Variants in TMEM164 observed in about 807,000 individuals in gnomAD.
TMEM164 encodes the protein transmembrane protein 164.
In TMEM164, 4 loss-of-function variants were observed where a neutral mutation model predicts 18.8. That is an observed-to-expected ratio of 0.21 (90% CI 0.10 to 0.49). The LOEUF (loss-of-function observed/expected upper bound fraction) is 0.49, where lower values mean the gene tolerates loss of function less well. Among genes scored for constraint, TMEM164 ranks in the 20% least tolerant of loss-of-function variants. The pLI is 0.98. For missense variants in TMEM164, 108 were observed against 239.9 expected (o/e 0.45, Z 3.63); for synonymous variants, 86 against 101.7 (o/e 0.85, Z 0.93).
intron 2 of TMEM164, among the ~76,000 whole-genome samples, chrX:110,016,164 C>T (rs992909945): frequency 1.8e-5 from 2 of 112,788 alleles, no homozygotes; most frequent in African/African-American, 6.5e-5. Context: ...ATCATCTTCC[C>T]AAATGTCTTA....
Position 110,173,940 on chromosome X carries a change from C to T in TMEM164, c.*489C>T. 8.4e-6 allele frequency: 1 copy of T among 119,098 alleles called. No individual in the cohort carries two copies. Among genetic ancestry groups the T allele is most frequent in the Admixed American group, 8.7e-5 (1 of 11,539 alleles). The allele number at this position is 119,098 out of a possible 1,213,427, so 9.8% of individuals were successfully genotyped here. A position where few individuals can be genotyped will look rare whatever the true frequency, so the allele number is the denominator to read the frequency against. ...GGGGACTGAGGCCTTGTTTCTATAC[C>T]AGCGGCAAGCCCAGAGCCGAGGGAT... On this transcript the variant is annotated 3_prime_UTR_variant, in exon 7 of 7. Transcript: ENST00000372068.
chrX:110,105,864 C>A (rs768976973), intron 3 of TMEM164, among the ~76,000 whole-genome samples: 2 of 109,456 alleles, frequency 1.8e-5, no homozygotes, highest in Non-Finnish European at 3.8e-5. Context: ...TGAAACTTGG[C>A]GACATCTGAG....
intron 5 of TMEM164, among the ~76,000 whole-genome samples, chrX:110,169,204 T>C (rs1426097923): frequency 8.9e-6 from 1 of 111,880 alleles, no homozygotes; most frequent in Non-Finnish European, 1.9e-5. Context: ...TGTCTAAACT[T>C]GGCCTCATCA....
intron 2 of TMEM164, among the ~76,000 whole-genome samples, chrX:110,056,750 A>G (rs1021301306): frequency 1.8e-5 from 2 of 111,815 alleles, no homozygotes; most frequent in African/African-American, 3.2e-5. Context: ...ATGAAGTGTC[A>G]TCTCATTGTG....
At chrX:110,095,308 A>G (rs1412025269) in intron 3 of TMEM164, among the ~76,000 whole-genome samples, 4 of 112,071 alleles carry the variant, frequency 3.6e-5, no homozygotes, top group African/African-American at 1.3e-4. Flanking sequence ...CATCACTTTC[A>G]GGTACACCAA....
intron 4 of TMEM164, among the ~76,000 whole-genome samples, chrX:110,118,612 C>T (rs982347836): frequency 5.4e-5 from 6 of 111,257 alleles, no homozygotes; most frequent in African/African-American, 9.8e-5. Flanking sequence ...AGTGGATTAT[C>T]GCTGGACACC....
chrX:110,065,166 G>A (rs1449644265), intron 2 of TMEM164: 1 of 111,240 alleles, frequency 9.0e-6, no homozygotes, highest in Non-Finnish European at 1.9e-5. Flanking sequence ...TAGTTTTCTG[G>A]GCTTCTAGCC....
chrX:110,033,479 T>G (rs971372780), intron 2 of TMEM164, among the ~76,000 whole-genome samples: 3 of 112,090 alleles, frequency 2.7e-5, no homozygotes, highest in Admixed American at 9.5e-5. Context: ...CCTGAGAGAA[T>G]GAGTAAACAG....
intron 4 of TMEM164, among the ~76,000 whole-genome samples, chrX:110,133,213 C>T (rs747264050): frequency 6.6e-4 from 74 of 111,374 alleles, no homozygotes; most frequent in African/African-American, 2.2e-3. Flanking sequence ...TGTAATGGCA[C>T]GATCTTAGCT....
chrX:110,018,973 C>T (rs1243254713), intron 2 of TMEM164, among the ~76,000 whole-genome samples: 1 of 112,009 alleles, frequency 8.9e-6, no homozygotes, highest in Non-Finnish European at 1.9e-5. Flanking sequence ...CCCTAGGCCA[C>T]CTGTTTCTAG....
At chrX:110,050,555 A>G (rs761193468) in intron 2 of TMEM164, among the ~76,000 whole-genome samples, 1 of 111,600 alleles carries the variant, frequency 9.0e-6, no homozygotes, top group Non-Finnish European at 1.9e-5. Context: ...GTGGCTTTCA[A>G]TTTGCAGCGT....
chrX:110,104,796 A>AT (rs1434749563), intron 3 of TMEM164, among the ~76,000 whole-genome samples: 1 of 111,759 alleles, frequency 8.9e-6, no homozygotes, highest in East Asian at 2.8e-4. Flanking sequence ...ACAGTAAGCT[A>AT]TTGGTAGTTA....
downstream of TMEM164, among the ~76,000 whole-genome samples, chrX:110,178,683 T>A (rs2067311662): frequency 8.9e-6 from 1 of 112,308 alleles, no homozygotes; most frequent in Non-Finnish European, 1.9e-5. Context: ...TCACTTATCT[T>A]GCTGCCTCAG....
At chrX:110,050,318 C>A (rs1243174861) in intron 2 of TMEM164, among the ~76,000 whole-genome samples, 1 of 111,800 alleles carries the variant, frequency 8.9e-6, no homozygotes, top group Non-Finnish European at 1.9e-5. Flanking sequence ...ACGATACAAC[C>A]CTTCCTGGAG....
intron 2 of TMEM164, among the ~76,000 whole-genome samples, chrX:110,052,209 A>G (rs778407643): frequency 9.0e-6 from 1 of 111,156 alleles, no homozygotes; most frequent in Admixed American, 9.5e-5. Context: ...GCTTCCCTCC[A>G]AGATTTTGCT....
rs2067255158 is a variant in TMEM164 at position 110,173,329 on chromosome X, G to A, written c.772G>A (p.Gly258Arg). The change falls in exon 7 of 7, where the codon GGA becomes AGA. Residue 258 changes from glycine (G) to arginine (R), a missense_variant. By Grantham distance (125) the Gly-to-Arg change is moderately radical (BLOSUM62 -2). Transcript: ENST00000372068. ...CCCCTGGTATCGCATCTGGGCCTCG[G>A]GACACCAGACTCTCATGACCATGAC... ...YGPWYRIWASGHQTLMTMTHG... is the reference protein window; with the variant it reads ...YGPWYRIWASRHQTLMTMTHG... 8.3e-7 allele frequency: 1 copy of A among 1,209,550 alleles called. No homozygotes were observed. Among genetic ancestry groups the A allele is most frequent in the African/African-American group, 1.8e-5 (1 of 56,983 alleles).
At chrX:110,057,548 C>CTTTTTTTTTTTTTTTTT in intron 2 of TMEM164, among the ~76,000 whole-genome samples, 1 of 80,573 alleles carries the variant, frequency 1.2e-5, no homozygotes, top group Non-Finnish European at 2.5e-5. Context: ...TAGAATAGGT[C>CTTTTTTTTTTTTTTTTT]TTTTTTTTTT....
In TMEM164 at chrX:110,096,081, G is replaced by A. The variant is rs984564879; in HGVS notation, c.441-12999G>A. Reference sequence around the variant, plus strand: ...TCAGAGGGGCACCCGGCCGAATGAGGTGTCAGTTGGCCCCTACTGAGAGGT... The same window carrying A: ...TCAGAGGGGCACCCGGCCGAATGAGATGTCAGTTGGCCCCTACTGAGAGGT... On this transcript the variant is annotated intron_variant, in intron 3 of 6. Coordinates refer to ENST00000372068, the MANE Select transcript of TMEM164 (RefSeq NM_032227.4). Among the ~76,000 whole-genome samples the A allele has an allele frequency of 4.2e-4, 47 of 112,464 alleles. 1 individual carries two copies. The highest frequency in any genetic ancestry group is 3.9e-3 in the Admixed American group (41 of 10,628).
chrX:110,046,287 A>G (rs911983519), intron 2 of TMEM164: 1 of 754,635 alleles, frequency 1.3e-6, no homozygotes, highest in Non-Finnish European at 1.6e-6. Context: ...CTCTCAACCA[A>G]CAGGGGGCCT....
Sources: gnomAD v4.1 joint callset for allele counts (sites outside exome capture counted in the v4.1 genomes callset) on GRCh38, gnomAD v4.1.1 for gene constraint, MANE v1.5 for transcripts, NCBI Gene and HGNC (gene_info 2026-07-23, HGNC 2026-07-21) for gene names.